Variants in SPI1 observed in about 807,000 individuals in gnomAD.
SPI1 encodes Spi-1 proto-oncogene, also known as transcription factor PU.1.
A neutral mutation model predicts 30.7 loss-of-function variants in SPI1; 3 were observed. The observed-to-expected ratio is 0.10, with a 90% CI of 0.04 to 0.25. The LOEUF (loss-of-function observed/expected upper bound fraction) is 0.25, where lower values mean the gene tolerates loss of function less well. Among genes scored for constraint, SPI1 ranks in the 10% least tolerant of loss-of-function variants. SPI1 has a pLI of 1.00. For missense variants in SPI1, 261 were observed against 371.5 expected (o/e 0.70, Z 2.45); for synonymous variants, 169 against 157.1 (o/e 1.08, Z -0.56).
chr11:47,366,515 C>G (rs962774202), intron 2 of SPI1, among the ~76,000 whole-genome samples: 1 of 152,156 alleles, frequency 6.6e-6, no homozygotes, highest in Non-Finnish European at 1.5e-5. Context: ...TCACAGACCA[C>G]TAGACTAGGG....
intron 4 of SPI1, among the ~76,000 whole-genome samples, chr11:47,356,602 C>A (rs1169593378): frequency 6.6e-6 from 1 of 151,182 alleles, no homozygotes; most frequent in African/African-American, 2.4e-5. Context: ...CTCATAATCA[C>A]ACCTGCTTAT....
At chr11:47,377,171 C>T (rs1250550545) in intron 1 of SPI1, among the ~76,000 whole-genome samples, 2 of 152,206 alleles carry the variant, frequency 1.3e-5, no homozygotes, top group Non-Finnish European at 2.9e-5. Flanking sequence ...GAGCCTGCCC[C>T]TCTGGGTTTC....
intron 4 of SPI1, among the ~76,000 whole-genome samples, chr11:47,356,809 C>G (rs1348379730): frequency 3.3e-5 from 5 of 150,914 alleles, no homozygotes; most frequent in Non-Finnish European, 7.4e-5. Context: ...CACGCACACA[C>G]CTGCTTACAC....
At chr11:47,355,659 A>C in intron 4 of SPI1, 113 bp from the exon 5 acceptor site, 1 of 897,286 alleles carries the variant, frequency 1.1e-6, no homozygotes, top group South Asian at 1.8e-5. Flanking sequence ...AGGGCAGGGG[A>C]ACGGCTGCCC....
intron 1 of SPI1, among the ~76,000 whole-genome samples, chr11:47,377,771 G>A (rs1327245383): frequency 6.6e-6 from 1 of 152,186 alleles, no homozygotes; most frequent in Non-Finnish European, 1.5e-5. Context: ...ACCCCTGTGG[G>A]CCCATGGCCC....
rs1163163227 is a variant in SPI1 at position 47,359,732 on chromosome 11, T to C, written c.330+121A>G. The C allele has an allele frequency of 8.7e-7, 1 of 1,150,106 alleles. No individual in the cohort carries two copies. Among genetic ancestry groups the C allele is most frequent in the Non-Finnish European group, 1.2e-6 (1 of 811,368 alleles). 71.2% of individuals were successfully genotyped at this position (1,150,106 alleles called of 1,614,324 possible). A position where few individuals can be genotyped will look rare whatever the true frequency, so the allele number is the denominator to read the frequency against. On this transcript the variant is annotated intron_variant, in intron 3 of 4. Coordinates refer to ENST00000378538, the MANE Select transcript of SPI1 (RefSeq NM_003120.3). The surrounding 1 kb of genome is among the most constrained non-coding windows in gnomAD (Gnocchi z 5.1). The stretch of plus-strand genomic sequence containing the variant: ...GCAGCCGTTGGAGCTCCAGCCGCCG[T>C]TGGCACTGTGGGGCAGGAAGCTGAG...
At chr11:47,356,278 A>G (rs2095909037) in intron 4 of SPI1, among the ~76,000 whole-genome samples, 1 of 150,454 alleles carries the variant, frequency 6.6e-6, no homozygotes, top group South Asian at 2.1e-4. Flanking sequence ...ACACCCACTC[A>G]CATGCTTGCA....
chr11:47,355,580 G>A (rs926321670), intron 4 of SPI1, 34 bp from the exon 5 acceptor site: 2 of 1,523,572 alleles, frequency 1.3e-6, no homozygotes, highest in Non-Finnish European at 1.8e-6. Context: ...GAGGGGGCCC[G>A]GGGCCCACAT....
rs749989141 is a variant in SPI1 at position 47,374,618 on chromosome 11, C to T, written c.142+1015G>A. On this transcript the variant is annotated intron_variant, in intron 2 of 4. Coordinates refer to ENST00000378538, the MANE Select transcript of SPI1 (RefSeq NM_003120.3). This position sits in a 1 kb window ranked among gnomAD's most constrained non-coding sequence, Gnocchi z 4.5. ...CCCTCTGAGGTGCAGACACCCCAGT[C>T]GCTGGTCTGCCCGGGTCCCAGACGC... is the stretch of plus-strand genomic sequence containing the variant. Among the ~76,000 whole-genome samples the T allele has an allele frequency of 1.3e-5, 2 of 150,976 alleles. No individual in the cohort carries two copies. The highest frequency in any genetic ancestry group is 3.0e-5 in the Non-Finnish European group (2 of 67,068).
At chr11:47,356,036 A>G (rs911686991) in intron 4 of SPI1, among the ~76,000 whole-genome samples, 1 of 150,780 alleles carries the variant, frequency 6.6e-6, no homozygotes, top group African/African-American at 2.4e-5. Context: ...ACACACATGC[A>G]CACACAATGC....
chr11:47,355,242 G>A lies in SPI1; in HGVS notation c.798C>T (p.Arg266=). ...GGCTGCGGGCTCAGTGGGGCGGGTG[G>A]CGCCGCTCGGCCAGGCCCCCGCGGC... ...VLGRGGLAER[R]HPPH Residue 266 remains arginine, a synonymous_variant, in exon 5 of 5, where the codon CGC becomes CGT. Coordinates refer to ENST00000378538, the MANE Select transcript of SPI1 (RefSeq NM_003120.3). 1 of 1,433,232 alleles carries A rather than the reference G, an allele frequency of 7.0e-7. No homozygotes were observed. Among genetic ancestry groups the A allele is most frequent in the Non-Finnish European group, 9.1e-7 (1 of 1,096,134 alleles). 88.8% of individuals were successfully genotyped at this position (1,433,232 alleles called of 1,614,324 possible). A position where few individuals can be genotyped will look rare whatever the true frequency, so the allele number is the denominator to read the frequency against.
chr11:47,357,382 T>A (rs2095912857), intron 4 of SPI1, among the ~76,000 whole-genome samples: 1 of 152,002 alleles, frequency 6.6e-6, no homozygotes, highest in African/African-American at 2.4e-5. Context: ...TCACACCTGC[T>A]CACGCATGCA....
intron 2 of SPI1, among the ~76,000 whole-genome samples, chr11:47,367,748 A>ATTTTTT (rs1173025260): frequency 3.1e-5 from 2 of 64,782 alleles, no homozygotes; most frequent in Non-Finnish European, 5.2e-5. Context: ...TGATGGTTAA[A>ATTTTTT]TTTTTTTTTT....
At chr11:47,358,081 A>G (rs2095914560) in intron 4 of SPI1, 1 of 181,880 alleles carries the variant, frequency 5.5e-6, no homozygotes, top group Non-Finnish European at 1.2e-5. Flanking sequence ...TCACATATAC[A>G]CATACATGCT....
chr11:47,376,595 C>T (rs1486325895), intron 1 of SPI1, among the ~76,000 whole-genome samples: 1 of 151,646 alleles, frequency 6.6e-6, no homozygotes, highest in Non-Finnish European at 1.5e-5. Context: ...CCTCCCCCTC[C>T]TCACTCCCCT....
Position 47,355,264 on chromosome 11 carries a change from C to A in SPI1, c.776G>T (p.Arg259Leu). The A allele has an allele frequency of 6.6e-7, 1 of 1,510,076 alleles. No individual in the cohort carries two copies. The highest frequency in any genetic ancestry group is 1.3e-5 in the South Asian group (1 of 79,834). The allele number at this position is 1,510,076 out of a possible 1,614,324, so 93.5% of individuals were successfully genotyped here. ...TYQFSGEVLG[R>L]GGLAERRHPP... ...GTGGCGCCGCTCGGCCAGGCCCCCG[C>A]GGCCCAGCACTTCGCCGCTGAACTG... The change falls in exon 5 of 5, where the codon CGC becomes CTC. Residue 259 changes from arginine to leucine, a missense_variant. Arg to Leu is a moderately radical substitution (Grantham distance 102). Around this residue, in one of 5 missense-constraint regions of SPI1, gnomAD observed 24 missense variants for 20.9 expected, o/e 1.15. Transcript: ENST00000378538.
At chr11:47,363,394 G>A (rs189691096) in intron 2 of SPI1, among the ~76,000 whole-genome samples, 20 of 152,112 alleles carry the variant, frequency 1.3e-4, no homozygotes, top group Non-Finnish European at 2.1e-4. Flanking sequence ...GATGGCAGGC[G>A]CCTGTAATCC....
At chr11:47,358,460 C>T in intron 4 of SPI1, 3 of 641,554 alleles carry the variant, frequency 4.7e-6, no homozygotes, top group Admixed American at 2.2e-5. Context: ...ATGGCCACAC[C>T]CACTCTCAGC....
At chr11:47,377,063 G>A (rs2095943392) in intron 1 of SPI1, among the ~76,000 whole-genome samples, 1 of 152,238 alleles carries the variant, frequency 6.6e-6, no homozygotes, top group Non-Finnish European at 1.5e-5. Context: ...GTGTTCCCAG[G>A]TGGGAAGGGG....
Sources: gnomAD v4.1 joint callset for allele counts (sites outside exome capture counted in the v4.1 genomes callset) on GRCh38, gnomAD v4.1.1 for gene constraint, gnomAD v4.1.1 regional missense constraint, Gnocchi (gnomAD v3.1) non-coding constraint, MANE v1.5 for transcripts, NCBI Gene and HGNC (gene_info 2026-07-23, HGNC 2026-07-21) for gene names.